TRAPPC9: variants seen among roughly 807,000 people sequenced by gnomAD.
TRAPPC9 encodes the protein IKK2 binding protein.
TRAPPC9 carries 83 observed loss-of-function variants against 124.0 expected under a neutral mutation model. The observed-to-expected ratio is 0.67, with a 90% confidence interval of 0.56 to 0.80. The LOEUF (loss-of-function observed/expected upper bound fraction) is 0.80. Ranked by LOEUF, TRAPPC9 falls within the 30% of genes least tolerant of loss-of-function variation. The pLI, the probability that TRAPPC9 is intolerant of heterozygous loss-of-function variation, is 0.00. For missense variants in TRAPPC9, 1,302 were observed against 1,508.3 expected, an observed-to-expected ratio of 0.86 and a Z score of 2.27; for synonymous variants, 638 against 617.5, an observed-to-expected ratio of 1.03 and a Z score of -0.49.
intron 17 of TRAPPC9, among the ~76,000 whole-genome samples, chr8:140,179,133 T>C (rs1254367696): frequency 1.3e-5 from 2 of 152,174 alleles, no homozygotes; most frequent in African/African-American, 4.8e-5. Flanking sequence ...TCTAGTTACT[T>C]TGGCTTTGAT....
intron 19 of TRAPPC9, among the ~76,000 whole-genome samples, chr8:139,949,209 T>C (rs1204972070): frequency 6.6e-6 from 1 of 152,182 alleles, no homozygotes; most frequent in Non-Finnish European, 1.5e-5. Flanking sequence ...TTACAGGTAC[T>C]AAGACTGTAA....
chr8:140,424,827 C>A (rs1437447916), intron 5 of TRAPPC9, among the ~76,000 whole-genome samples: 1 of 152,040 alleles, frequency 6.6e-6, no homozygotes, highest in African/African-American at 2.4e-5. Flanking sequence ...ACTCTTCTTC[C>A]GGTTTTGGAA....
At chr8:140,190,032 C>T (rs1005004640) in intron 17 of TRAPPC9, among the ~76,000 whole-genome samples, 25 of 152,130 alleles carry the variant, frequency 1.6e-4, no homozygotes, top group African/African-American at 6.0e-4. Context: ...TGTGATCAAC[C>T]GAACTGAGAA....
intron 21 of TRAPPC9, among the ~76,000 whole-genome samples, chr8:139,763,532 C>T (rs1417358517): frequency 6.9e-6 from 1 of 144,436 alleles, no homozygotes; most frequent in East Asian, 2.3e-4. Flanking sequence ...GTTCTACAAA[C>T]AAAACAACGC....
chr8:140,251,871 C>T (rs992013467), intron 16 of TRAPPC9, among the ~76,000 whole-genome samples: 6 of 152,176 alleles, frequency 3.9e-5, no homozygotes, highest in African/African-American at 1.4e-4. Flanking sequence ...ACAGTCTGAT[C>T]TCAGACTCCC....
At chr8:139,974,072 C>T (rs1015402325) in intron 19 of TRAPPC9, among the ~76,000 whole-genome samples, 3 of 152,160 alleles carry the variant, frequency 2.0e-5, no homozygotes, top group African/African-American at 4.8e-5. Flanking sequence ...ACTGGGTACT[C>T]GTCAGGGAGA....
chr8:140,124,745 A>T (rs980223543), intron 17 of TRAPPC9, among the ~76,000 whole-genome samples: 4 of 120,552 alleles, frequency 3.3e-5, no homozygotes, highest in Non-Finnish European at 6.9e-5. Flanking sequence ...TCACTCTCGA[A>T]GTCTGAAGGC....
At chr8:139,970,512 G>A (rs1055582784) in intron 19 of TRAPPC9, among the ~76,000 whole-genome samples, 12 of 152,134 alleles carry the variant, frequency 7.9e-5, no homozygotes. Flanking sequence ...GATCCCTCTG[G>A]CACCCCAGAG....
intron 9 of TRAPPC9, among the ~76,000 whole-genome samples, chr8:140,314,396 A>G (rs1435303520): frequency 6.6e-6 from 1 of 152,228 alleles, no homozygotes; most frequent in Non-Finnish European, 1.5e-5. Flanking sequence ...CTGTATAACA[A>G]TCAAATCAGG....
chr8:140,420,533 C>T (rs917358602), intron 5 of TRAPPC9, among the ~76,000 whole-genome samples: 3 of 151,966 alleles, frequency 2.0e-5, no homozygotes, highest in East Asian at 1.9e-4. Context: ...TTTTCTTTAC[C>T]TTTATTTTCT....
At chr8:140,137,655 C>T (rs2061326308) in intron 17 of TRAPPC9, among the ~76,000 whole-genome samples, 1 of 152,182 alleles carries the variant, frequency 6.6e-6, no homozygotes, top group Non-Finnish European at 1.5e-5. Flanking sequence ...GACGTTCCAC[C>T]AATGGTTTAC....
chr8:140,016,425 A>C (rs1190963711), intron 18 of TRAPPC9, among the ~76,000 whole-genome samples: 1 of 152,200 alleles, frequency 6.6e-6, no homozygotes, highest in African/African-American at 2.4e-5. Flanking sequence ...TGCTAACCCA[A>C]ATCCCTTCCC....
chr8:140,272,378 G>A (rs1315077531), intron 15 of TRAPPC9, among the ~76,000 whole-genome samples: 3 of 104,330 alleles, frequency 2.9e-5, no homozygotes, highest in Admixed American at 8.7e-5. Context: ...GAGGGTGGTG[G>A]TGATGATGGT....
At chr8:140,240,677 A>G (rs2063837727) in intron 16 of TRAPPC9, among the ~76,000 whole-genome samples, 1 of 152,094 alleles carries the variant, frequency 6.6e-6, no homozygotes, top group Non-Finnish European at 1.5e-5. Flanking sequence ...GGCTCAAGCA[A>G]TCCTCCCACC....
chr8:140,030,396 C>T (rs1331286400), intron 17 of TRAPPC9, among the ~76,000 whole-genome samples: 1 of 152,168 alleles, frequency 6.6e-6, no homozygotes, highest in Non-Finnish European at 1.5e-5. Flanking sequence ...TACTGGAACT[C>T]TCAGAAATTG....
chr8:140,192,219 G>A (rs936388255), intron 17 of TRAPPC9, among the ~76,000 whole-genome samples: 1 of 152,216 alleles, frequency 6.6e-6, no homozygotes, highest in Admixed American at 6.5e-5. Context: ...CAAGCAGGCT[G>A]AGTAAATTGT....
At chr8:140,311,066 T>G (rs959257576) in intron 10 of TRAPPC9, among the ~76,000 whole-genome samples, 182 bp downstream of exon 10, 9 of 152,170 alleles carry the variant, frequency 5.9e-5, no homozygotes, top group African/African-American at 2.2e-4. Flanking sequence ...TGGCCCTGAC[T>G]CTCTCATCTC....
chr8:140,004,727 G>T (rs978171343), intron 18 of TRAPPC9, among the ~76,000 whole-genome samples: 1 of 152,130 alleles, frequency 6.6e-6, no homozygotes, highest in Non-Finnish European at 1.5e-5. Flanking sequence ...ACCCGCCAAG[G>T]TCCAGCATGT....
intron 21 of TRAPPC9, among the ~76,000 whole-genome samples, chr8:139,862,392 T>C (rs1340592680): frequency 1.3e-5 from 2 of 152,242 alleles, no homozygotes; most frequent in East Asian, 3.9e-4. Context: ...CTTCCAGCTG[T>C]TGGGCTGGCC....
Sources: allele counts gnomAD v4.1 joint callset (sites outside exome capture counted in the v4.1 genomes callset), GRCh38; gene constraint gnomAD v4.1.1; transcripts MANE v1.5; gene names NCBI Gene and HGNC (gene_info 2026-07-23, HGNC 2026-07-21).